Variants in TAOK3 observed in about 807,000 individuals in gnomAD.
TAOK3 encodes the protein serine/threonine-protein kinase TAO3.
A neutral mutation model predicts 120.4 loss-of-function variants in TAOK3; 40 were observed. The observed-to-expected ratio is 0.33, with a 90% CI of 0.26 to 0.43. The LOEUF (loss-of-function observed/expected upper bound fraction) is 0.43. Ranked by LOEUF, TAOK3 falls within the 20% of genes least tolerant of loss-of-function variation. The pLI is 1.00. For synonymous variants in TAOK3, 355 were observed against 387.5 expected, an observed-to-expected ratio of 0.92 and a Z score of 0.99; for missense variants, 821 against 1,112.1, an observed-to-expected ratio of 0.74 and a Z score of 3.72.
intron 5 of TAOK3, among the ~76,000 whole-genome samples, chr12:118,240,511 T>A (rs1486873298): frequency 6.6e-6 from 1 of 151,980 alleles, no homozygotes; most frequent in Non-Finnish European, 1.5e-5. Flanking sequence ...ATTTCTTTTT[T>A]TTCTTTGTAT....
At chr12:118,281,486 T>C (rs1386471872) in intron 1 of TAOK3, among the ~76,000 whole-genome samples, 2 of 152,166 alleles carry the variant, frequency 1.3e-5, no homozygotes, top group African/African-American at 2.4e-5. Context: ...AATGAATTTA[T>C]AAAAATATTA....
At chr12:118,332,570 A>C (rs568829234) in intron 1 of TAOK3, among the ~76,000 whole-genome samples, 1 of 152,346 alleles carries the variant, frequency 6.6e-6, no homozygotes, top group South Asian at 2.1e-4. Context: ...AAAATAAATA[A>C]AGAAGATTAA....
intron 3 of TAOK3, among the ~76,000 whole-genome samples, chr12:118,253,780 G>A (rs795192): frequency 0.49 from 72,310 of 148,130 alleles, 17,975 homozygotes; most frequent in Non-Finnish European, 0.54. Flanking sequence ...AGGGCCCGGT[G>A]CAGTGGCTCA....
intron 9 of TAOK3, among the ~76,000 whole-genome samples, chr12:118,232,144 T>A (rs2039811993): frequency 6.6e-6 from 1 of 152,202 alleles, no homozygotes; most frequent in Non-Finnish European, 1.5e-5. Context: ...ATCATGGAAA[T>A]TGGCAAAGCT....
chr12:118,311,055 T>C (rs1593497273), intron 1 of TAOK3, among the ~76,000 whole-genome samples: 1 of 152,344 alleles, frequency 6.6e-6, no homozygotes, highest in African/African-American at 2.4e-5. Flanking sequence ...GTAGCACTTT[T>C]AAAGTACAAT....
chr12:118,327,084 A>G lies in TAOK3; in HGVS notation c.-194+45564T>C, dbSNP rs144600616. On this transcript the variant is annotated intron_variant, in intron 1 of 20. Transcript: ENST00000392533. ...AAACATCTCTTAATGTTCTTATTTA[A>G]AAGACACATTTGGGCTAATTTGGGA... Among the ~76,000 whole-genome samples, 337 of 152,304 alleles carry G rather than the reference A, an allele frequency of 2.2e-3. 2 individuals are homozygous for G. Among genetic ancestry groups the G allele is most frequent in the African/African-American group, 7.2e-3 (299 of 41,552 alleles).
At chr12:118,182,579 A>G (rs955150268) in intron 14 of TAOK3, among the ~76,000 whole-genome samples, 11 of 121,010 alleles carry the variant, frequency 9.1e-5, no homozygotes, top group Admixed American at 1.8e-4. Context: ...TGTTTTGTAT[A>G]TGTGTGTGTG....
At chr12:118,241,481 AAT>A (rs1229295680) in intron 5 of TAOK3, among the ~76,000 whole-genome samples, 3 of 152,242 alleles carry the variant, frequency 2.0e-5, no homozygotes, top group South Asian at 2.1e-4. Context: ...GAATAGAATG[AAT>A]ATGTTTCTAG....
At chr12:118,226,459 G>A (rs937131099) in intron 9 of TAOK3, among the ~76,000 whole-genome samples, 2 of 151,902 alleles carry the variant, frequency 1.3e-5, no homozygotes, top group African/African-American at 2.4e-5. Context: ...GCTTGAACCC[G>A]GGAACTAGAC....
rs193100275 is a variant in TAOK3, at chr12:118,161,699, G to A, written c.2139+89C>T. On this transcript the variant is annotated intron_variant, in intron 18 of 20. Coordinates refer to ENST00000392533, the MANE Select transcript of TAOK3 (RefSeq NM_016281.4). This position sits in a 1 kb window ranked among gnomAD's most constrained non-coding sequence, Gnocchi z 4.5. ...ATAGGTGTGGGGTGCAGAAATTTGT[G>A]ATTCTGAAAAGTTGCTCAGGTGACT... 0.035 allele frequency: 53,095 copies of A among 1,530,466 alleles called. 2,715 individuals carry two copies. The highest frequency in any genetic ancestry group is 0.19 in the East Asian group (8,559 of 44,100). 94.8% of individuals were successfully genotyped at this position (1,530,466 alleles called of 1,614,324 possible).
intron 2 of TAOK3, among the ~76,000 whole-genome samples, chr12:118,258,261 A>T (rs973562556): frequency 2.0e-5 from 3 of 152,114 alleles, no homozygotes; most frequent in Non-Finnish European, 2.9e-5. Flanking sequence ...ATATGGGAAA[A>T]AGGATCCCTC....
At chr12:118,237,391 AG>A (rs1172436372) in intron 7 of TAOK3, among the ~76,000 whole-genome samples, 1 of 152,168 alleles carries the variant, frequency 6.6e-6, no homozygotes, top group African/African-American at 2.4e-5. Flanking sequence ...AGAGAAGAAA[AG>A]ATTGGTAACA....
rs796312272 is a variant in TAOK3, at chr12:118,369,021, A to G, written c.-194+3627T>C. On this transcript the variant is annotated intron_variant, in intron 1 of 20. Coordinates refer to ENST00000392533, the MANE Select transcript of TAOK3 (RefSeq NM_016281.4). The stretch of plus-strand genomic sequence containing the variant: ...TAAAAATAGAAAAAAAAAAAAAAAA[A>G]AAGAAGAAGAAGAAGAAAAAGCCAG... Among the ~76,000 whole-genome samples, 378 of 146,878 alleles carry G rather than the reference A, an allele frequency of 2.6e-3. 1 individual carries two copies. Among genetic ancestry groups the G allele is most frequent in the African/African-American group, 7.2e-3 (280 of 38,936 alleles).
At chr12:118,231,100 C>T (rs1342563738) in intron 9 of TAOK3, among the ~76,000 whole-genome samples, 1 of 152,126 alleles carries the variant, frequency 6.6e-6, no homozygotes, top group East Asian at 1.9e-4. Context: ...TACAGAACCA[C>T]ATATATACGT....
At chr12:118,291,213 A>G (rs1303757064) in intron 1 of TAOK3, among the ~76,000 whole-genome samples, 2 of 147,958 alleles carry the variant, frequency 1.4e-5, no homozygotes, top group Non-Finnish European at 3.0e-5. Context: ...CTGGAGTGCA[A>G]TGGTGAGATC....
chr12:118,343,715 TA>T (rs1407419442), intron 1 of TAOK3, among the ~76,000 whole-genome samples: 1 of 152,058 alleles, frequency 6.6e-6, no homozygotes, highest in Non-Finnish European at 1.5e-5. Flanking sequence ...ATGAGTCTTA[TA>T]AAAAATCCAC....
rs2035177024 is a variant in TAOK3, at chr12:118,160,914, T to G, written c.2140-556A>C. Among the ~76,000 whole-genome samples, 1 of 152,202 alleles carries G rather than the reference T, an allele frequency of 6.6e-6. No homozygotes were observed. The highest frequency in any genetic ancestry group is 1.5e-5 in the Non-Finnish European group (1 of 68,032). ...ATTTCTACTGGATTTCAGCGTAAAC[T>G]GAGAGAGAAAAGTGATTTAGAATTT... On this transcript the variant is annotated intron_variant, in intron 18 of 20. Transcript: ENST00000392533. The surrounding 1 kb of genome is among the most constrained non-coding windows in gnomAD (Gnocchi z 4.2).
At chr12:118,215,927 C>T (rs909854433) in intron 9 of TAOK3, among the ~76,000 whole-genome samples, 5 of 151,032 alleles carry the variant, frequency 3.3e-5, no homozygotes, top group South Asian at 2.1e-4. Flanking sequence ...AGGCTGGGCG[C>T]GTTGGCTGAC....
chr12:118,301,226 T>C (rs2042869466), intron 1 of TAOK3, among the ~76,000 whole-genome samples: 1 of 152,178 alleles, frequency 6.6e-6, no homozygotes, highest in Admixed American at 6.5e-5. Flanking sequence ...GATAGTGTAA[T>C]GCCATAAGCA....
Sources: allele counts gnomAD v4.1 joint callset (sites outside exome capture counted in the v4.1 genomes callset), GRCh38; gene constraint gnomAD v4.1.1; non-coding constraint Gnocchi (gnomAD v3.1); transcripts MANE v1.5; gene names NCBI Gene and HGNC (gene_info 2026-07-23, HGNC 2026-07-21).